The following PDGFA variants were observed in gnomAD, a reference collection of about 807,000 sequenced individuals.
PDGFA encodes the protein platelet-derived growth factor subunit A.
PDGFA carries 9 observed loss-of-function variants against 25.6 expected under a neutral mutation model. That is an observed-to-expected ratio of 0.35 (90% CI 0.21 to 0.61). PDGFA has a LOEUF of 0.61. Among genes scored for constraint, PDGFA ranks in the 20% least tolerant of loss-of-function variants. The probability of loss-of-function intolerance (pLI) is 0.75; values close to 1 mark genes in which losing one functional copy is unlikely to be tolerated. For synonymous variants in PDGFA, 133 were observed against 111.8 expected, an observed-to-expected ratio of 1.19 and a Z score of -1.20; for missense variants, 242 against 272.8, an observed-to-expected ratio of 0.89 and a Z score of 0.79.
At position 507,346 on chromosome 7, in the gene PDGFA, C is replaced by T. The variant is rs145878672; in HGVS notation, c.453+3463G>A. ...GACACCCTGTCCCGGCAGATGAGAC[C>T]CAGAGGGAGAGCCCTGGTCCTGGCT... On this transcript the variant is annotated intron_variant, in intron 4 of 5. Coordinates refer to ENST00000402802, the Ensembl canonical transcript of PDGFA. Among the ~76,000 whole-genome samples the T allele has an allele frequency of 5.2e-3, 795 of 152,310 alleles. 16 individuals carry two copies. In the East Asian group the frequency reaches 0.057, roughly 11 times the overall value.
At chr7:514,979 G>A (rs902573800) in intron 2 of PDGFA, among the ~76,000 whole-genome samples, 30 of 152,134 alleles carry the variant, frequency 2.0e-4, no homozygotes, top group Non-Finnish European at 2.9e-4. Context: ...GACCCCAGAC[G>A]GTGCCTGGCT....
chr7:510,664 A>G (rs1483858640), intron 4 of PDGFA, 145 bp downstream of exon 4: 3 of 372,648 alleles, frequency 8.1e-6, no homozygotes, highest in Non-Finnish European at 1.4e-5. Context: ...TGGATGCAGG[A>G]GGGACCCTGG....
At chr7:511,118 T>C (rs1562490040) in intron 3 of PDGFA, 122 bp from the exon 4 acceptor site, 2 of 738,066 alleles carry the variant, frequency 2.7e-6, no homozygotes, top group Non-Finnish European at 4.5e-6. Flanking sequence ...CCAGGATTCC[T>C]CCCAGGCAGC....
intron 3 of PDGFA, 56 bp from the exon 4 acceptor site, chr7:511,052 C>T: frequency 1.4e-6 from 2 of 1,449,684 alleles, no homozygotes; most frequent in South Asian, 2.4e-5. Context: ...ACGGCCCCAC[C>T]CCAGGGCTGA....
In PDGFA at chr7:517,329, G is replaced by A. The variant is rs1783153369; in HGVS notation, c.160+65C>T. 2.9e-6 allele frequency: 2 copies of A among 683,952 alleles called. No homozygotes were observed. Among genetic ancestry groups the A allele is most frequent in the African/African-American group, 1.9e-5 (1 of 51,306 alleles). The allele number at this position is 683,952 out of a possible 1,614,324, so 42.4% of individuals were successfully genotyped here. ...CTGCGCGGCGCCCCGCCCGGCCCCA[G>A]CTCGGGGCGCACAGGCCGCCCGCCC... On this transcript the variant is annotated intron_variant, in intron 2 of 5. Coordinates refer to ENST00000402802, the Ensembl canonical transcript of PDGFA. The surrounding 1 kb of genome is among the most constrained non-coding windows in gnomAD (Gnocchi z 7.4).
chr7:519,223 G>T, exon 1 of PDGFA: 1 of 199,378 alleles, frequency 5.0e-6, no homozygotes, highest in Non-Finnish European at 1.0e-5. Flanking sequence ...GGGAGTGCGC[G>T]CCCGCAGCGC....
At chr7:508,989 G>A (rs574330901) in intron 4 of PDGFA, among the ~76,000 whole-genome samples, 10 of 152,378 alleles carry the variant, frequency 6.6e-5, no homozygotes, top group Non-Finnish European at 1.2e-4. Context: ...AGGAAAATGA[G>A]GCCAGAGAGG....
intron 5 of PDGFA, 24 bp downstream of exon 5, chr7:501,092 A>T (rs1466173375): frequency 1.2e-6 from 2 of 1,614,180 alleles, no homozygotes; most frequent in Admixed American, 1.7e-5. Context: ...TCCAACACCG[A>T]TGCCGACGAA....
At chr7:497,952 A>AAAC (rs1782142640) in exon 6 of PDGFA, 2 of 114,678 alleles carry the variant, frequency 1.7e-5, no homozygotes, top group Non-Finnish European at 3.7e-5. Context: ...AAAAAAAAAA[A>AAAC]AAAAAACAAA....
intron 4 of PDGFA, among the ~76,000 whole-genome samples, chr7:509,564 T>A (rs765651584): frequency 6.6e-6 from 1 of 152,148 alleles, no homozygotes; most frequent in African/African-American, 2.4e-5. Flanking sequence ...TGGCTGGGAC[T>A]GCAGGTGTGA....
rs1020621682 is a variant in PDGFA at position 517,412 on chromosome 7, G to T, written c.142C>A (p.Leu48Met). The T allele has an allele frequency of 2.5e-5, 35 of 1,388,118 alleles. No individual in the cohort carries two copies. Among genetic ancestry groups the T allele is most frequent in the Non-Finnish European group, 3.3e-5 (35 of 1,055,958 alleles). The allele number at this position is 1,388,118 out of a possible 1,614,324, so 86.0% of individuals were successfully genotyped here. A position where few individuals can be genotyped will look rare whatever the true frequency, so the allele number is the denominator to read the frequency against. The change falls in exon 2 of 6, where the codon CTG becomes ATG. Residue 48 changes from leucine to methionine, a missense_variant. This residue lies in a region of PDGFA where 113 missense variants were observed against 98.3 expected (regional missense o/e 1.15). Coordinates refer to ENST00000402802, the Ensembl canonical transcript of PDGFA. The surrounding 1 kb of genome is among the most constrained non-coding windows in gnomAD (Gnocchi z 7.4). ...GATTTACCTACGGAGTCTATCTCCA[G>T]GAGTCGCTGGAGGTCCCGGATGCTG...
chr7:506,737 A>C (rs902311011), intron 4 of PDGFA, among the ~76,000 whole-genome samples: 6 of 152,066 alleles, frequency 3.9e-5, no homozygotes, highest in African/African-American at 1.4e-4. Flanking sequence ...TGCCAGGCAG[A>C]GTGCAAGGAA....
Position 500,514 on chromosome 7 carries a change from G to T in PDGFA, c.580+602C>A, listed in dbSNP as rs1482415079. 2 of 1,613,920 alleles carry T rather than the reference G, an allele frequency of 1.2e-6. No individual in the cohort carries two copies. The highest frequency in any genetic ancestry group is 2.2e-5 in the South Asian group (2 of 91,070). On this transcript the variant is annotated intron_variant, in intron 5 of 5. Transcript: ENST00000402802. This position sits in a 1 kb window ranked among gnomAD's most constrained non-coding sequence, Gnocchi z 5.0. ...CCTAGGCCTTCCTGTTAACAAAAGGGCAGGGCGGTGAGTGGGCCGAGGGAC... is the reference window on the plus strand; with the variant it reads ...CCTAGGCCTTCCTGTTAACAAAAGGTCAGGGCGGTGAGTGGGCCGAGGGAC...
At chr7:513,864 C>T (rs1277335652) in intron 2 of PDGFA, among the ~76,000 whole-genome samples, 2 of 152,198 alleles carry the variant, frequency 1.3e-5, no homozygotes, top group African/African-American at 4.8e-5. Context: ...AACTTTTTAC[C>T]GAAAATGACT....
chr7:511,868 G>C (rs1782865711), intron 3 of PDGFA, among the ~76,000 whole-genome samples: 1 of 152,188 alleles, frequency 6.6e-6, no homozygotes, highest in South Asian at 2.1e-4. Context: ...CCAGGTGTGA[G>C]TGGGGCGGGG....
chr7:516,395 C>T (rs1783101541), intron 2 of PDGFA, among the ~76,000 whole-genome samples: 1 of 152,176 alleles, frequency 6.6e-6, no homozygotes, highest in Admixed American at 6.5e-5. Flanking sequence ...CCCGCATGCC[C>T]CCCCTTTTTC....
At chr7:512,481 A>T (rs764377482) in intron 2 of PDGFA, 26 bp from the exon 3 acceptor site, 120 of 1,613,132 alleles carry the variant, frequency 7.4e-5, no homozygotes, top group Non-Finnish European at 8.7e-5. Context: ...GAACACCGTG[A>T]ATGCCCCAGG....
intron 4 of PDGFA, among the ~76,000 whole-genome samples, chr7:501,455 T>C (rs552971634): frequency 4.8e-4 from 73 of 152,314 alleles, no homozygotes; most frequent in African/African-American, 1.7e-3. Flanking sequence ...GTTTTAGTTT[T>C]TTCTGAGTAG....
chr7:520,589 C>T (rs1039728597), upstream of PDGFA: 3 of 152,346 alleles, frequency 2.0e-5, no homozygotes, highest in African/African-American at 7.2e-5. Context: ...CGCCCTGAGC[C>T]GGGAAGTCGA....
Sources: allele counts gnomAD v4.1 joint callset (sites outside exome capture counted in the v4.1 genomes callset), GRCh38; gene constraint gnomAD v4.1.1; regional missense constraint gnomAD v4.1.1; non-coding constraint Gnocchi (gnomAD v3.1); transcripts MANE v1.5; gene names NCBI Gene and HGNC (gene_info 2026-07-23, HGNC 2026-07-21).